BBOF1: variants seen among roughly 807,000 people sequenced by gnomAD.
BBOF1 encodes basal body-orientation factor 1.
BBOF1 carries 62 observed loss-of-function variants against 68.0 expected under a neutral mutation model. That is an observed-to-expected ratio of 0.91 (90% CI 0.74 to 1.13). The LOEUF (loss-of-function observed/expected upper bound fraction) is 1.13. BBOF1 is among the 50% of genes most tolerant of loss of function. The pLI is 0.00. For missense variants in BBOF1, 534 were observed against 600.1 expected, an observed-to-expected ratio of 0.89 and a Z score of 1.15; for synonymous variants, 208 against 198.8, an observed-to-expected ratio of 1.05 and a Z score of -0.39.
At chr14:74,021,763 C>T (rs1386507116) in intron 1 of BBOF1, among the ~76,000 whole-genome samples, 2 of 151,926 alleles carry the variant, frequency 1.3e-5, no homozygotes, top group South Asian at 2.1e-4. Context: ...AAAAATTAGC[C>T]GGGCCTGGTG....
chr14:74,065,066 G>T lies in BBOF1; in HGVS notation c.*367G>T. ...CTTTCATTCCTGAGGAAGAAATGGG[G>T]CAATGTGGGAGGTCATGGGGGCAAT... On this transcript the variant is annotated 3_prime_UTR_variant, in exon 12 of 12. Transcript: ENST00000394009. 7.1e-7 allele frequency: 1 copy of T among 1,405,744 alleles called. No homozygotes were observed. Among genetic ancestry groups the T allele is most frequent in the Non-Finnish European group, 1.0e-6 (1 of 1,004,436 alleles). 87.1% of individuals were successfully genotyped at this position (1,405,744 alleles called of 1,614,324 possible). A position where few individuals can be genotyped will look rare whatever the true frequency, so the allele number is the denominator to read the frequency against.
chr14:74,071,474 C>T (rs767706541), intron 9 of BBOF1: 2 of 1,614,068 alleles, frequency 1.2e-6, no homozygotes, highest in Non-Finnish European at 1.7e-6. Flanking sequence ...AGGGATGTCA[C>T]ACTACAGGCA....
Position 74,057,405 on chromosome 14 carries a change from T to G in BBOF1, c.1578+147T>G, listed in dbSNP as rs752541447. 9.8e-6 allele frequency: 15 copies of G among 1,529,482 alleles called. No individual in the cohort carries two copies. In the East Asian group the frequency reaches 2.7e-4, roughly 28 times the overall value. The allele number at this position is 1,529,482 out of a possible 1,614,324, so 94.7% of individuals were successfully genotyped here. A position where few individuals can be genotyped will look rare whatever the true frequency, so the allele number is the denominator to read the frequency against. On this transcript the variant is annotated intron_variant, in intron 11 of 11. Transcript: ENST00000394009. Reference sequence around the variant, plus strand: ...TAATAAATAGCATTAGTAGATTACATAAATTTTTAAAGCAATATCCGTACA... The same window carrying G: ...TAATAAATAGCATTAGTAGATTACAGAAATTTTTAAAGCAATATCCGTACA...
chr14:74,053,649 C>G (rs746748236), intron 8 of BBOF1, among the ~76,000 whole-genome samples: 33 of 151,578 alleles, frequency 2.2e-4, no homozygotes, highest in Non-Finnish European at 3.7e-4. Flanking sequence ...TCAAGGTATT[C>G]TCCCACCTTG....
intron 3 of BBOF1, among the ~76,000 whole-genome samples, chr14:74,031,463 T>C (rs2140987752): frequency 1.3e-5 from 2 of 152,256 alleles, no homozygotes; most frequent in Middle Eastern, 3.4e-3. Context: ...ATATCATAGT[T>C]TATTCAAATG....
intron 2 of BBOF1, among the ~76,000 whole-genome samples, chr14:74,028,810 G>T (rs575669343): frequency 4.6e-5 from 7 of 151,926 alleles, no homozygotes; most frequent in Non-Finnish European, 1.0e-4. Flanking sequence ...CCAGGTTCAA[G>T]TGATTCTCCT....
chr14:74,033,874 T>TA (rs991883801), intron 3 of BBOF1, among the ~76,000 whole-genome samples, 154 bp from the exon 4 acceptor site: 1 of 151,002 alleles, frequency 6.6e-6, no homozygotes, highest in Non-Finnish European at 1.5e-5. Flanking sequence ...TCAAAATAAA[T>TA]AAATAAAATA....
chr14:74,054,250 A>G (rs1244717028), intron 8 of BBOF1, among the ~76,000 whole-genome samples: 1 of 151,338 alleles, frequency 6.6e-6, no homozygotes, highest in African/African-American at 2.4e-5. Context: ...GACCTCATGA[A>G]CCACCCACCT....
At chr14:74,020,473 C>T (rs926792889) in intron 1 of BBOF1, among the ~76,000 whole-genome samples, 1 of 151,996 alleles carries the variant, frequency 6.6e-6, no homozygotes, top group Non-Finnish European at 1.5e-5. Context: ...ATCAGTGGTC[C>T]TATTAGAGTG....
chr14:74,033,798 G>A (rs779390157), intron 3 of BBOF1, among the ~76,000 whole-genome samples: 1 of 151,362 alleles, frequency 6.6e-6, no homozygotes, highest in Non-Finnish European at 1.5e-5. Flanking sequence ...CCCGGGAGGT[G>A]GAGCTTGCCG....
chr14:74,036,905 T>G lies in BBOF1; in HGVS notation c.495+2734T>G, dbSNP rs116473879. Among the ~76,000 whole-genome samples, 1,507 of 152,060 alleles carry G rather than the reference T, an allele frequency of 9.9e-3. 29 individuals carry two copies. Among genetic ancestry groups the G allele is most frequent in the African/African-American group, 0.034 (1,409 of 41,496 alleles). The stretch of plus-strand genomic sequence containing the variant: ...TCTTTGTTTCATTGTTCACACTGTC[T>G]TTTATCTAAAATATATTCCTGGTAG... On this transcript the variant is annotated intron_variant, in intron 4 of 11. Coordinates refer to ENST00000394009, the MANE Select transcript of BBOF1 (RefSeq NM_025057.3).
downstream of BBOF1, among the ~76,000 whole-genome samples, chr14:74,068,331 A>G (rs974390583): frequency 1.3e-5 from 2 of 151,912 alleles, no homozygotes; most frequent in African/African-American, 4.8e-5. Flanking sequence ...GTGAGCTGAG[A>G]TGGCACCACT....
chr14:74,021,625 G>A (rs2059300109), intron 1 of BBOF1, among the ~76,000 whole-genome samples: 1 of 151,580 alleles, frequency 6.6e-6, no homozygotes, highest in African/African-American at 2.4e-5. Context: ...TGTGGCACCA[G>A]CTGATAAACT....
At chr14:74,030,869 G>C (rs1385315963) in intron 3 of BBOF1, among the ~76,000 whole-genome samples, 2 of 150,126 alleles carry the variant, frequency 1.3e-5, no homozygotes, top group East Asian at 3.9e-4. Flanking sequence ...TAAAAAAAAA[G>C]GTTGCTTAAA....
At chr14:74,057,286 T>G in intron 11 of BBOF1, 28 bp downstream of exon 11, 1 of 1,613,930 alleles carries the variant, frequency 6.2e-7, no homozygotes, top group Non-Finnish European at 8.5e-7. Context: ...AATCAAACAA[T>G]GTATATTGTT....
intron 7 of BBOF1, chr14:74,048,648 G>A (rs953163190): frequency 2.0e-5 from 3 of 152,048 alleles, no homozygotes; most frequent in African/African-American, 7.2e-5. Context: ...CGTTTAAGAG[G>A]TCTTTCTGGA....
intron 10 of BBOF1, among the ~76,000 whole-genome samples, chr14:74,078,991 G>T (rs2060643067): frequency 6.6e-6 from 1 of 151,768 alleles, no homozygotes. Flanking sequence ...GTTTCCCAAG[G>T]CTTGGTCCTA....
chr14:74,035,876 C>T (rs1272623802), intron 4 of BBOF1, among the ~76,000 whole-genome samples: 1 of 151,942 alleles, frequency 6.6e-6, no homozygotes, highest in African/African-American at 2.4e-5. Flanking sequence ...TTACTTCCAC[C>T]ATATTTTATT....
chr14:74,076,150 A>C (rs1211852943), intron 9 of BBOF1, among the ~76,000 whole-genome samples: 1 of 152,204 alleles, frequency 6.6e-6, no homozygotes, highest in Non-Finnish European at 1.5e-5. Flanking sequence ...TACAAATGTT[A>C]AAACTCATCA....
Sources: allele counts gnomAD v4.1 joint callset (sites outside exome capture counted in the v4.1 genomes callset), GRCh38; gene constraint gnomAD v4.1.1; transcripts MANE v1.5; gene names NCBI Gene and HGNC (gene_info 2026-07-23, HGNC 2026-07-21).